The following PTPRM variants were observed in gnomAD, a reference collection of about 807,000 sequenced individuals.
The protein encoded by PTPRM is protein tyrosine phosphatase receptor type M.
In PTPRM, 47 loss-of-function variants were observed where a neutral mutation model predicts 186.7. The ratio of observed to expected loss-of-function variants is 0.25; its 90% CI spans 0.20 to 0.32. PTPRM has a LOEUF of 0.32. PTPRM is among the 10% of genes least tolerant of loss of function. The pLI is 1.00. For synonymous variants in PTPRM, 668 were observed against 674.9 expected, an observed-to-expected ratio of 0.99 and a Z score of 0.16; for missense variants, 1,494 against 1,865.0, an observed-to-expected ratio of 0.80 and a Z score of 3.66.
chr18:8,061,409 C>G (rs1379725862), intron 7 of PTPRM, among the ~76,000 whole-genome samples: 2 of 142,846 alleles, frequency 1.4e-5, no homozygotes, highest in Non-Finnish European at 3.0e-5. Flanking sequence ...ACTCTTAGAT[C>G]CAACTTGCCA....
chr18:7,591,006 T>TA (rs1427688204), intron 1 of PTPRM, among the ~76,000 whole-genome samples: 1 of 152,200 alleles, frequency 6.6e-6, no homozygotes, highest in African/African-American at 2.4e-5. Flanking sequence ...ATTTTGTGAG[T>TA]ATGTATGAAC....
intron 14 of PTPRM, among the ~76,000 whole-genome samples, chr18:8,149,873 T>C (rs1329867083): frequency 1.3e-5 from 2 of 152,198 alleles, no homozygotes; most frequent in African/African-American, 4.8e-5. Context: ...CATTTGCTTG[T>C]CTGTAATGGA....
chr18:8,369,722 A>G (rs905333709), intron 23 of PTPRM, among the ~76,000 whole-genome samples: 10 of 152,350 alleles, frequency 6.6e-5, no homozygotes, highest in Admixed American at 4.6e-4. Flanking sequence ...TTTCGAGGCC[A>G]AGGCAGGAGG....
rs1337065426 is a variant in PTPRM, at chr18:8,126,024, TA to T, written c.2167+11198del. Among the ~76,000 whole-genome samples the T allele has an allele frequency of 1.5e-3, 68 of 44,610 alleles. 3 individuals are homozygous for T. The highest frequency in any genetic ancestry group is 0.014 in the East Asian group (13 of 954). 29.3% of individuals were successfully genotyped at this position (44,610 alleles called of 152,430 possible). Reference sequence around the variant, plus strand: ...ATATATATATATATATATATATATATATATTTTAAATCAGTAGACCTTTCCA... The same window carrying T: ...ATATATATATATATATATATATATATTATTTTAAATCAGTAGACCTTTCCA... On this transcript the variant is annotated intron_variant, in intron 13 of 32. Coordinates refer to ENST00000580170, the MANE Select transcript of PTPRM (RefSeq NM_001105244.2).
At chr18:8,399,435 A>G (rs2095860765) in intron 32 of PTPRM, among the ~76,000 whole-genome samples, 1 of 152,360 alleles carries the variant, frequency 6.6e-6, no homozygotes, top group African/African-American at 2.4e-5. Flanking sequence ...CATGAACTTT[A>G]TGTAACAACT....
intron 2 of PTPRM, chr18:7,815,031 C>T (rs1200734318): frequency 2.6e-5 from 4 of 152,128 alleles, no homozygotes; most frequent in African/African-American, 9.6e-5. Flanking sequence ...ATCTGAGTTC[C>T]TTTTTCAGGA....
rs183602921 is a variant in PTPRM, at chr18:7,735,819, A to C, written c.74-38330A>C. ...CCTAACAAGAACTTTGGCTTCCACA[A>C]CTTCCCTTATCTTAAAGTCAAGCAT... On this transcript the variant is annotated intron_variant, in intron 1 of 32. Transcript: ENST00000580170. Among the ~76,000 whole-genome samples the C allele has an allele frequency of 1.8e-3, 266 of 150,894 alleles. 1 individual carries two copies. The highest frequency in any genetic ancestry group is 6.1e-3 in the African/African-American group (251 of 41,056).
chr18:8,047,852 A>G (rs981542837), intron 7 of PTPRM, among the ~76,000 whole-genome samples: 11 of 152,182 alleles, frequency 7.2e-5, no homozygotes, highest in Non-Finnish European at 1.5e-4. Context: ...GTTGAGTGCT[A>G]TGGACTTGAG....
At chr18:8,327,468 A>G (rs1212667485) in intron 22 of PTPRM, among the ~76,000 whole-genome samples, 5 of 152,256 alleles carry the variant, frequency 3.3e-5, no homozygotes, top group Non-Finnish European at 5.9e-5. Flanking sequence ...TTTATTCATG[A>G]TTCAATAAGT....
chr18:7,987,190 A>G (rs548296671), intron 7 of PTPRM, among the ~76,000 whole-genome samples: 1 of 152,148 alleles, frequency 6.6e-6, no homozygotes, highest in South Asian at 2.1e-4. Context: ...TTAATTCTCT[A>G]CTGCCCACAG....
At chr18:7,727,717 G>A (rs1402448067) in intron 1 of PTPRM, among the ~76,000 whole-genome samples, 1 of 152,246 alleles carries the variant, frequency 6.6e-6, no homozygotes, top group Non-Finnish European at 1.5e-5. Context: ...AATAACTTGA[G>A]AATGGATAAA....
At chr18:7,822,959 A>G (rs1050135827) in intron 2 of PTPRM, among the ~76,000 whole-genome samples, 1 of 152,160 alleles carries the variant, frequency 6.6e-6, no homozygotes, top group South Asian at 2.1e-4. Flanking sequence ...TGTGCAGTGT[A>G]GGATGTTCAG....
At chr18:7,935,917 A>AT (rs1437811692) in intron 5 of PTPRM, among the ~76,000 whole-genome samples, 1 of 152,358 alleles carries the variant, frequency 6.6e-6, no homozygotes, top group East Asian at 1.9e-4. Context: ...AAGGAAGGGC[A>AT]TCACCACTAA....
intron 19 of PTPRM, among the ~76,000 whole-genome samples, chr18:8,273,466 C>T (rs886857185): frequency 2.0e-5 from 3 of 152,170 alleles, no homozygotes; most frequent in Non-Finnish European, 4.4e-5. Flanking sequence ...AGTTACCTCT[C>T]CTTTGCTACT....
At chr18:8,075,989 G>T (rs922795403) in intron 8 of PTPRM, among the ~76,000 whole-genome samples, 1 of 151,898 alleles carries the variant, frequency 6.6e-6, no homozygotes, top group Non-Finnish European at 1.5e-5. Context: ...GAACATTTTT[G>T]TATATGTCTC....
chr18:8,203,885 G>A (rs749129491), intron 14 of PTPRM, among the ~76,000 whole-genome samples: 1 of 151,740 alleles, frequency 6.6e-6, no homozygotes, highest in East Asian at 1.9e-4. Flanking sequence ...TCTTATGCTC[G>A]GTCAGGAAAG....
intron 31 of PTPRM, among the ~76,000 whole-genome samples, chr18:8,392,622 A>G (rs551326881): frequency 1.5e-4 from 23 of 151,634 alleles, no homozygotes; most frequent in South Asian, 1.5e-3. Context: ...GTGAGACTCC[A>G]TCTCAAAAAA....
chr18:7,984,131 T>C (rs1467058257), intron 7 of PTPRM, among the ~76,000 whole-genome samples: 1 of 152,180 alleles, frequency 6.6e-6, no homozygotes, highest in Non-Finnish European at 1.5e-5. Flanking sequence ...AAGCACCTGG[T>C]GTTTCTAACA....
chr18:7,830,437 AAC>A (rs1417098937), intron 2 of PTPRM, among the ~76,000 whole-genome samples: 1 of 152,230 alleles, frequency 6.6e-6, no homozygotes, highest in Non-Finnish European at 1.5e-5. Context: ...CCTTTGTGCA[AAC>A]ACCACAAAAT....
Sources: allele counts gnomAD v4.1 joint callset (sites outside exome capture counted in the v4.1 genomes callset), GRCh38; gene constraint gnomAD v4.1.1; transcripts MANE v1.5; gene names NCBI Gene and HGNC (gene_info 2026-07-23, HGNC 2026-07-21).